Variants in RBFOX1 observed in about 807,000 individuals in gnomAD.
RBFOX1 encodes the protein RNA binding protein fox-1 homolog 1.
RBFOX1 carries 8 observed loss-of-function variants against 57.7 expected under a neutral mutation model. The ratio of observed to expected loss-of-function variants is 0.14; its 90% CI spans 0.08 to 0.25. The LOEUF (loss-of-function observed/expected upper bound fraction) is 0.25. Ranked by LOEUF, RBFOX1 falls within the 10% of genes least tolerant of loss-of-function variation. The probability of loss-of-function intolerance (pLI) is 1.00; values close to 1 mark genes in which losing one functional copy is unlikely to be tolerated. For synonymous variants in RBFOX1, 326 were observed against 222.4 expected (o/e 1.47, Z -4.15); for missense variants, 611 against 548.5 (o/e 1.11, Z -1.14).
chr16:5,553,774 T>C (rs1202087525), intron 2 of RBFOX1, among the ~76,000 whole-genome samples: 1 of 151,780 alleles, frequency 6.6e-6, no homozygotes, highest in Non-Finnish European at 1.5e-5. Context: ...TGAAACCTCA[T>C]ACCACAATAT....
At chr16:6,842,325 A>G (rs2093520679) in intron 3 of RBFOX1, among the ~76,000 whole-genome samples, 1 of 152,140 alleles carries the variant, frequency 6.6e-6, no homozygotes, top group Non-Finnish European at 1.5e-5. Context: ...TCAGAGAAAC[A>G]ACACATACAC....
At chr16:6,167,137 G>A (rs1567600350) in intron 1 of RBFOX1, among the ~76,000 whole-genome samples, 1 of 152,218 alleles carries the variant, frequency 6.6e-6, no homozygotes, top group South Asian at 2.1e-4. Context: ...ACGAATAGTG[G>A]CGTTGTGTTG....
rs2083975603 is a variant in RBFOX1 at position 7,711,345 on chromosome 16, G to A, written c.*600G>A. The A allele has an allele frequency of 1.3e-5, 2 of 152,520 alleles. No individual in the cohort carries two copies. Among genetic ancestry groups the A allele is most frequent in the Admixed American group, 1.3e-4 (2 of 15,258 alleles). The allele number at this position is 152,520 out of a possible 1,614,324, so 9.4% of individuals were successfully genotyped here. On this transcript the variant is annotated 3_prime_UTR_variant, in exon 16 of 16. Coordinates refer to ENST00000550418, the MANE Select transcript of RBFOX1 (RefSeq NM_018723.4). ...CCAAAGGTCATGTTGTTAAGGGGGT[G>A]CTTCTAGTAGCACTTGTGCATCTGA...
At chr16:7,009,640 C>A (rs1399940973) in intron 3 of RBFOX1, among the ~76,000 whole-genome samples, 1 of 152,150 alleles carries the variant, frequency 6.6e-6, no homozygotes, top group Non-Finnish European at 1.5e-5. Context: ...TGGAATTCTA[C>A]CGTCTGGGCA....
intron 1 of RBFOX1, among the ~76,000 whole-genome samples, chr16:5,244,958 T>A (rs979645335): frequency 1.3e-5 from 2 of 152,218 alleles, no homozygotes; most frequent in African/African-American, 4.8e-5. Flanking sequence ...CAGGAACATT[T>A]AACCGCAGGG....
chr16:6,796,538 C>G (rs892086982), intron 3 of RBFOX1, among the ~76,000 whole-genome samples: 2 of 152,188 alleles, frequency 1.3e-5, no homozygotes, highest in Non-Finnish European at 2.9e-5. Context: ...TAGATGTTGT[C>G]TATGAATTCA....
chr16:5,678,443 A>G (rs190612852), intron 3 of RBFOX1, among the ~76,000 whole-genome samples: 1 of 152,328 alleles, frequency 6.6e-6, no homozygotes, highest in Non-Finnish European at 1.5e-5. Flanking sequence ...AACCCTAATC[A>G]ATATAGAAAG....
intron 4 of RBFOX1, among the ~76,000 whole-genome samples, chr16:5,933,459 C>G (rs185265191): frequency 2.2e-4 from 33 of 152,276 alleles, no homozygotes; most frequent in African/African-American, 7.5e-4. Context: ...TTTGAGGGAT[C>G]TCTTTAGGAT....
At position 5,424,988 on chromosome 16, in the gene RBFOX1, C is replaced by CTT. The variant is rs375901012; in HGVS notation, c.220-42225_220-42224dup. Among the ~76,000 whole-genome samples the CTT allele has an allele frequency of 1.1e-4, 8 of 75,308 alleles. 1 individual carries two copies. In the East Asian group the frequency reaches 1.1e-3, roughly 11 times the overall value. 49.4% of individuals were successfully genotyped at this position (75,308 alleles called of 152,430 possible). A position where few individuals can be genotyped will look rare whatever the true frequency, so the allele number is the denominator to read the frequency against. ...TCTCTTTCTTTCTTTCTTTTCTTTT[C>CTT]TTTTCTTTTCTTTTCTTTTCTTTTC... On this transcript the variant is annotated intron_variant, in intron 1 of 2. Coordinates refer to the RBFOX1 transcript ENST00000585867.
chr16:5,637,810 G>C (rs1000498879), intron 3 of RBFOX1, among the ~76,000 whole-genome samples: 8 of 152,072 alleles, frequency 5.3e-5, no homozygotes, highest in African/African-American at 1.9e-4. Context: ...TGGTGAGGAG[G>C]GAGGGCCACA....
chr16:6,991,134 T>C (rs1596311694), intron 3 of RBFOX1, among the ~76,000 whole-genome samples: 3 of 26,230 alleles, frequency 1.1e-4, no homozygotes, highest in Admixed American at 5.5e-4. Flanking sequence ...AAATTGTCTC[T>C]CCAAAAAAAA....
intron 1 of RBFOX1, among the ~76,000 whole-genome samples, chr16:6,077,411 A>C (rs1162858396): frequency 6.6e-6 from 1 of 152,160 alleles, no homozygotes; most frequent in African/African-American, 2.4e-5. Flanking sequence ...CCTGTTTATT[A>C]TTTTTCAAAT....
chr16:7,374,973 T>C (rs2097657420), intron 4 of RBFOX1, among the ~76,000 whole-genome samples: 1 of 152,240 alleles, frequency 6.6e-6, no homozygotes, highest in Non-Finnish European at 1.5e-5. Flanking sequence ...AATTAATGTG[T>C]ACAACATCTG....
chr16:6,476,875 A>G (rs1464430873), intron 2 of RBFOX1, among the ~76,000 whole-genome samples: 1 of 152,216 alleles, frequency 6.6e-6, no homozygotes, highest in African/African-American at 2.4e-5. Context: ...AACTAAGTGT[A>G]TGTAATATTC....
At chr16:5,954,297 C>T (rs1182720004) in intron 4 of RBFOX1, among the ~76,000 whole-genome samples, 1 of 152,134 alleles carries the variant, frequency 6.6e-6, no homozygotes, top group Admixed American at 6.5e-5. Context: ...ATGGACAGGC[C>T]CTCAGGTGAG....
At chr16:6,048,948 G>T (rs984293084) in intron 1 of RBFOX1, among the ~76,000 whole-genome samples, 1 of 151,920 alleles carries the variant, frequency 6.6e-6, no homozygotes, top group Non-Finnish European at 1.5e-5. Flanking sequence ...CTCAGACTGG[G>T]GTTTCCCTTG....
chr16:5,447,377 A>ACTCTCTCTCTCTCTCTCTCTCTCTCT (rs1491576897), intron 1 of RBFOX1, among the ~76,000 whole-genome samples: 1 of 34,578 alleles, frequency 2.9e-5, no homozygotes, highest in African/African-American at 1.3e-4. Context: ...TCAATCAATC[A>ACTCTCTCTCTCTCTCTCTCTCTCTCT]ATCTCTCTCT....
intron 4 of RBFOX1, among the ~76,000 whole-genome samples, chr16:7,107,309 C>T (rs1024420012): frequency 1.3e-5 from 2 of 152,014 alleles, no homozygotes; most frequent in Non-Finnish European, 2.9e-5. Flanking sequence ...CCTTCTGGGG[C>T]AGACAGACAG....
intron 1 of RBFOX1, among the ~76,000 whole-genome samples, chr16:5,252,550 C>G (rs1218489538): frequency 6.6e-6 from 1 of 152,196 alleles, no homozygotes; most frequent in East Asian, 1.9e-4. Context: ...AGAAGATCCT[C>G]TTGGGCTGCT....
Sources: gnomAD v4.1 joint callset for allele counts (sites outside exome capture counted in the v4.1 genomes callset) on GRCh38, gnomAD v4.1.1 for gene constraint, MANE v1.5 for transcripts, NCBI Gene and HGNC (gene_info 2026-07-23, HGNC 2026-07-21) for gene names.